The following PARP4 variants were observed in gnomAD, a reference collection of about 807,000 sequenced individuals.
The protein encoded by PARP4 is poly(ADP-ribose) polymerase family member 4.
PARP4 carries 120 observed loss-of-function variants against 187.7 expected under a neutral mutation model. That is an observed-to-expected ratio of 0.64 (90% CI 0.55 to 0.74). PARP4 has a LOEUF of 0.74. Among genes scored for constraint, PARP4 ranks in the 30% least tolerant of loss-of-function variants. PARP4 has a pLI of 0.00. For missense variants in PARP4, 1,836 were observed against 2,070.5 expected, an observed-to-expected ratio of 0.89 and a Z score of 2.20; for synonymous variants, 654 against 740.9, an observed-to-expected ratio of 0.88 and a Z score of 1.90.
chr13:24,429,792 G>A (rs926093172), intron 32 of PARP4, among the ~76,000 whole-genome samples: 1 of 152,170 alleles, frequency 6.6e-6, no homozygotes. Context: ...GTATCTGGAT[G>A]CAGATTTCAG....
chr13:24,503,564 C>A, intron 2 of PARP4, 81 bp downstream of exon 2: 1 of 1,503,714 alleles, frequency 6.7e-7, no homozygotes, highest in Non-Finnish European at 9.2e-7. Flanking sequence ...CTGCTAATCT[C>A]TGCTTCCTCT....
Position 24,452,528 on chromosome 13 carries a change from G to GT in PARP4, c.2891dup (p.Tyr964Ter), listed in dbSNP as rs1242137616. The GT allele has an allele frequency of 6.2e-7, 1 of 1,614,078 alleles. No homozygotes were observed. The highest frequency in any genetic ancestry group is 2.2e-5 in the East Asian group (1 of 44,872). ...GGATGTTCCGTGACCCTCGAGCAGG[G>GT]TACAATAAGCTAAGATATCGGAGTG... ...WKTLRYLSLL[Y>*]PARGSRNILL... Residue 964 changes from tyrosine to a stop codon, truncating the protein, a stop_gained and frameshift_variant, in exon 24 of 34, where the codon TAC becomes TAAC. Transcript: ENST00000381989. LOFTEE classifies it high-confidence loss of function.
At chr13:24,455,499 A>ATATATATC (rs1351480331) in intron 21 of PARP4, among the ~76,000 whole-genome samples, 7 of 139,898 alleles carry the variant, frequency 5.0e-5, no homozygotes, top group African/African-American at 1.8e-4. Flanking sequence ...ATATATATAT[A>ATATATATC]TATATATCAC....
intron 30 of PARP4, among the ~76,000 whole-genome samples, chr13:24,439,755 A>C (rs1349408033): frequency 6.6e-6 from 1 of 152,194 alleles, no homozygotes; most frequent in East Asian, 1.9e-4. Context: ...CAAACAGTTG[A>C]TTCTTAATTG....
In PARP4 at chr13:24,453,465, A is replaced by G. The variant is rs780235150; in HGVS notation, c.2826+122T>C. On this transcript the variant is annotated intron_variant, in intron 23 of 33. Transcript: ENST00000381989. ...AATTAATGAAATAAAGAGCCCACCA[A>G]TATACAAAAACCACAGGAGTAGGGG... 58 of 557,898 alleles carry G rather than the reference A, an allele frequency of 1.0e-4. 1 individual carries two copies. Among genetic ancestry groups the G allele is most frequent in the Middle Eastern group, 8.2e-4 (3 of 3,676 alleles). 34.6% of individuals were successfully genotyped at this position (557,898 alleles called of 1,614,324 possible).
chr13:24,486,910 C>T (rs1305249646), intron 10 of PARP4, among the ~76,000 whole-genome samples: 2 of 150,694 alleles, frequency 1.3e-5, no homozygotes, highest in Admixed American at 1.3e-4. Context: ...TGCAATGAGC[C>T]GAGATCGCGC....
chr13:24,453,488 G>C (rs752603106), intron 23 of PARP4, 99 bp downstream of exon 23: 40 of 687,812 alleles, frequency 5.8e-5, no homozygotes, highest in Non-Finnish European at 1.0e-4. Context: ...ACAGGAGTAG[G>C]GGTGCTCTGA....
chr13:24,426,725 T>TA (rs879682555), intron 32 of PARP4, 127 bp from the exon 33 acceptor site: 10,821 of 620,684 alleles, frequency 0.017, no homozygotes, highest in South Asian at 0.023. Context: ...CCATCTCTGC[T>TA]AAAAAAAAAA....
At chr13:24,452,720 T>C in intron 23 of PARP4, 127 bp from the exon 24 acceptor site, 2 of 680,348 alleles carry the variant, frequency 2.9e-6, no homozygotes, top group Non-Finnish European at 4.9e-6. Context: ...TTTCCCTAAT[T>C]TGTGAAACAA....
chr13:24,497,638 T>C (rs969618674), intron 6 of PARP4, among the ~76,000 whole-genome samples: 1 of 152,210 alleles, frequency 6.6e-6, no homozygotes, highest in African/African-American at 2.4e-5. Flanking sequence ...CCAGGTGTTA[T>C]GGCTGAACTG....
At chr13:24,425,593 C>CTATATATATATATA (rs1246664842) in intron 33 of PARP4, among the ~76,000 whole-genome samples, 9 of 118,318 alleles carry the variant, frequency 7.6e-5, no homozygotes, top group African/African-American at 3.4e-4. Context: ...ATATCTATAT[C>CTATATATATATATA]TATATCTATA....
intron 10 of PARP4, among the ~76,000 whole-genome samples, chr13:24,489,776 G>A (rs73154358): frequency 0.098 from 14,955 of 152,094 alleles, 813 homozygotes; most frequent in Non-Finnish European, 0.12. Flanking sequence ...GGTTTTAGTG[G>A]GGCTCTGGAA....
At chr13:24,453,721 T>C in intron 22 of PARP4, 67 bp from the exon 23 acceptor site, 1 of 850,936 alleles carries the variant, frequency 1.2e-6, no homozygotes, top group Non-Finnish European at 2.0e-6. Context: ...TAACAAACAA[T>C]AATGTTATTT....
At chr13:24,498,909 A>G (rs1309833396) in intron 5 of PARP4, among the ~76,000 whole-genome samples, 1 of 152,230 alleles carries the variant, frequency 6.6e-6, no homozygotes, top group Non-Finnish European at 1.5e-5. Context: ...GATATTTTAT[A>G]CTGTTTAAAA....
chr13:24,449,362 T>C (rs1190650222), intron 25 of PARP4, among the ~76,000 whole-genome samples: 3 of 127,798 alleles, frequency 2.3e-5, no homozygotes, highest in Non-Finnish European at 4.7e-5. Context: ...CACTCCAGCC[T>C]GGGCGACAGA....
intron 1 of PARP4, among the ~76,000 whole-genome samples, chr13:24,507,168 C>T (rs775709637): frequency 6.6e-6 from 1 of 152,228 alleles, no homozygotes; most frequent in Non-Finnish European, 1.5e-5. Flanking sequence ...CGCACAGCCC[C>T]GGTTCCGTCC....
chr13:24,506,906 C>T (rs920997739), intron 1 of PARP4, among the ~76,000 whole-genome samples: 6 of 152,316 alleles, frequency 3.9e-5, no homozygotes, highest in South Asian at 2.1e-4. Flanking sequence ...CCAACTGAGG[C>T]GGGAGAGCTC....
chr13:24,449,194 C>T (rs998904095), intron 25 of PARP4, among the ~76,000 whole-genome samples: 1 of 152,070 alleles, frequency 6.6e-6, no homozygotes, highest in African/African-American at 2.4e-5. Flanking sequence ...CAAGACCATC[C>T]TGGCTAACAC....
intron 1 of PARP4, among the ~76,000 whole-genome samples, chr13:24,506,818 C>T (rs189197438): frequency 1.3e-5 from 2 of 152,346 alleles, no homozygotes; most frequent in East Asian, 1.9e-4. Context: ...GCCTTGCACC[C>T]GCACTCCTCA....
Sources: gnomAD v4.1 joint callset for allele counts (sites outside exome capture counted in the v4.1 genomes callset) on GRCh38, gnomAD v4.1.1 for gene constraint, MANE v1.5 for transcripts, NCBI Gene and HGNC (gene_info 2026-07-23, HGNC 2026-07-21) for gene names.